EIPR1: variants seen among roughly 807,000 people sequenced by gnomAD.
The protein encoded by EIPR1 is EARP complex and GARP complex interacting protein 1.
A neutral mutation model predicts 48.1 loss-of-function variants in EIPR1; 25 were observed. That is an observed-to-expected ratio of 0.52 (90% CI 0.38 to 0.73). The LOEUF (loss-of-function observed/expected upper bound fraction) is 0.73. EIPR1 is among the 30% of genes least tolerant of loss of function. The pLI is 0.00. For missense variants in EIPR1, 415 were observed against 506.2 expected, an observed-to-expected ratio of 0.82 and a Z score of 1.73; for synonymous variants, 204 against 201.9, an observed-to-expected ratio of 1.01 and a Z score of -0.09.
At chr2:3,193,758 C>G (rs1419580105) in intron 7 of EIPR1, among the ~76,000 whole-genome samples, 6 of 152,214 alleles carry the variant, frequency 3.9e-5, no homozygotes, top group African/African-American at 1.4e-4. Flanking sequence ...TTTTTGTATA[C>G]TTGAACCAGC....
At chr2:3,201,237 C>T (rs928845943) in intron 5 of EIPR1, among the ~76,000 whole-genome samples, 1 of 152,158 alleles carries the variant, frequency 6.6e-6, no homozygotes, top group African/African-American at 2.4e-5. Flanking sequence ...CCTGATCAGG[C>T]ACCCAAAGAT....
At chr2:3,203,462 G>A (rs900170052) in intron 5 of EIPR1, among the ~76,000 whole-genome samples, 2 of 152,260 alleles carry the variant, frequency 1.3e-5, no homozygotes, top group South Asian at 2.1e-4. Flanking sequence ...CCGGTAGTCA[G>A]CGACAAAACA....
intron 3 of EIPR1, among the ~76,000 whole-genome samples, chr2:3,333,910 G>A (rs1007107877): frequency 3.9e-5 from 6 of 152,232 alleles, no homozygotes; most frequent in South Asian, 2.1e-4. Flanking sequence ...CTCCACGTGC[G>A]GTTCTACTGT....
intron 4 of EIPR1, among the ~76,000 whole-genome samples, chr2:3,218,345 G>C: frequency 6.7e-6 from 1 of 150,340 alleles, no homozygotes; most frequent in African/African-American, 2.5e-5. Context: ...ACACGGCCCT[G>C]ATACACTCTA....
At chr2:3,280,621 T>A (rs1170803731) in intron 3 of EIPR1, among the ~76,000 whole-genome samples, 1 of 152,220 alleles carries the variant, frequency 6.6e-6, no homozygotes, top group Non-Finnish European at 1.5e-5. Context: ...CTAAGTCAGC[T>A]ACAAGTATCC....
intron 3 of EIPR1, among the ~76,000 whole-genome samples, chr2:3,333,615 C>T (rs751512821): frequency 6.6e-6 from 1 of 152,034 alleles, no homozygotes; most frequent in South Asian, 2.1e-4. Context: ...GTAGTGCATA[C>T]CTGTGGTCCC....
chr2:3,359,908 G>A (rs1296040971), intron 1 of EIPR1, among the ~76,000 whole-genome samples: 1 of 152,180 alleles, frequency 6.6e-6, no homozygotes, highest in Non-Finnish European at 1.5e-5. Flanking sequence ...AACTGAGGAC[G>A]AGCAAGGTCA....
chr2:3,209,695 G>T (rs1665374079), intron 5 of EIPR1, among the ~76,000 whole-genome samples: 1 of 152,290 alleles, frequency 6.6e-6, no homozygotes, highest in Non-Finnish European at 1.5e-5. Flanking sequence ...GTGATAAAAA[G>T]AAATGTGCTT....
intron 6 of EIPR1, among the ~76,000 whole-genome samples, chr2:3,196,583 G>A (rs113316443): frequency 1.1e-4 from 16 of 152,260 alleles, no homozygotes; most frequent in African/African-American, 3.6e-4. Context: ...TCCCCATCTC[G>A]CTCAGTGTTA....
chr2:3,229,841 A>G (rs1234409703), intron 4 of EIPR1, among the ~76,000 whole-genome samples: 1 of 152,242 alleles, frequency 6.6e-6, no homozygotes, highest in Non-Finnish European at 1.5e-5. Context: ...TGGTCATTCC[A>G]ACAGGGTACT....
At chr2:3,259,617 G>A (rs190724147) in intron 3 of EIPR1, among the ~76,000 whole-genome samples, 21 of 150,682 alleles carry the variant, frequency 1.4e-4, no homozygotes, top group East Asian at 1.2e-3. Flanking sequence ...AGAAAATATA[G>A]ATAAGAGAAT....
At chr2:3,340,596 C>T (rs1358362329) in intron 2 of EIPR1, among the ~76,000 whole-genome samples, 1 of 152,194 alleles carries the variant, frequency 6.6e-6, no homozygotes, top group African/African-American at 2.4e-5. Context: ...ACCTGTTACA[C>T]ATTTTATAAT....
At chr2:3,326,501 G>A (rs992066579) in intron 3 of EIPR1, among the ~76,000 whole-genome samples, 3 of 152,102 alleles carry the variant, frequency 2.0e-5, no homozygotes, top group African/African-American at 7.2e-5. Context: ...GAAAATACCT[G>A]GACCACTTTA....
chr2:3,255,574 C>A (rs1417618340), intron 4 of EIPR1, among the ~76,000 whole-genome samples: 1 of 152,232 alleles, frequency 6.6e-6, no homozygotes, highest in African/African-American at 2.4e-5. Context: ...ACCCATGTGG[C>A]CTGTCTTTGC....
intron 1 of EIPR1, among the ~76,000 whole-genome samples, chr2:3,355,036 A>G (rs1670687398): frequency 6.6e-6 from 1 of 152,250 alleles, no homozygotes; most frequent in Admixed American, 6.5e-5. Context: ...TCTTCTGCAG[A>G]TAACAACTAG....
intron 5 of EIPR1, among the ~76,000 whole-genome samples, chr2:3,202,311 CA>C (rs1416114982): frequency 1.3e-5 from 2 of 152,106 alleles, no homozygotes; most frequent in African/African-American, 4.8e-5. Context: ...TTTAGGTAAA[CA>C]GAAAAAAGTC....
chr2:3,194,976 C>A (rs189034334), intron 6 of EIPR1, among the ~76,000 whole-genome samples: 17 of 152,354 alleles, frequency 1.1e-4, no homozygotes, highest in Admixed American at 3.3e-4. Flanking sequence ...CACACTCACG[C>A]GTGCATCTGT....
intron 5 of EIPR1, among the ~76,000 whole-genome samples, chr2:3,199,217 G>A (rs933548465): frequency 5.5e-4 from 84 of 152,162 alleles, no homozygotes; most frequent in African/African-American, 1.7e-3. Flanking sequence ...CAGACTTTAC[G>A]ATTGTCCCTT....
At chr2:3,198,583 C>CTGTG (rs1213654310) in intron 5 of EIPR1, among the ~76,000 whole-genome samples, 2 of 152,174 alleles carry the variant, frequency 1.3e-5, no homozygotes, top group Non-Finnish European at 2.9e-5. Context: ...TCTATTTTCC[C>CTGTG]TGTGTCGGTC....
Sources: allele counts gnomAD v4.1 joint callset (sites outside exome capture counted in the v4.1 genomes callset), GRCh38; gene constraint gnomAD v4.1.1; transcripts MANE v1.5; gene names NCBI Gene and HGNC (gene_info 2026-07-23, HGNC 2026-07-21).